Variants in CAP2 observed in about 807,000 individuals in gnomAD.
The protein encoded by CAP2 is cyclase associated actin cytoskeleton regulatory protein 2.
A neutral mutation model predicts 57.7 loss-of-function variants in CAP2; 24 were observed. That is an observed-to-expected ratio of 0.42 (90% confidence interval 0.30 to 0.58). The LOEUF (loss-of-function observed/expected upper bound fraction) is 0.58, where lower values mean the gene tolerates loss of function less well. Ranked by LOEUF, CAP2 falls within the 20% of genes least tolerant of loss-of-function variation. The pLI is 0.22. For missense variants in CAP2, 501 were observed against 590.3 expected (o/e 0.85, Z 1.57); for synonymous variants, 194 against 207.2 (o/e 0.94, Z 0.55).
chr6:17,540,416 T>G (rs1160678736), intron 8 of CAP2, among the ~76,000 whole-genome samples: 1 of 151,748 alleles, frequency 6.6e-6, no homozygotes, highest in Non-Finnish European at 1.5e-5. Flanking sequence ...TATCTATCAT[T>G]TTATCTCCCA....
rs781025932 is a variant in CAP2, at chr6:17,551,541, CT to C, written c.1288del (p.Cys430ValfsTer4). ...TATACCTCAGTGAAGATGCATTAGA[CT>C]GTGAGATCGTGAGCGCCAAGTCATC... The part of the protein sequence containing the change: ...HIYLSEDALD[C>X]EIVSAKSSEM... On this transcript the variant is annotated frameshift_variant, in exon 12 of 13. Coordinates refer to ENST00000229922, the MANE Select transcript of CAP2 (RefSeq NM_006366.3). LOFTEE classifies it high-confidence loss of function. 6.8e-6 allele frequency: 11 copies of C among 1,611,206 alleles called. No homozygotes were observed. Among genetic ancestry groups the C allele is most frequent in the Non-Finnish European group, 9.3e-6 (11 of 1,177,650 alleles).
At chr6:17,464,056 C>G (rs565419392) in intron 4 of CAP2, among the ~76,000 whole-genome samples, 13 of 152,264 alleles carry the variant, frequency 8.5e-5, no homozygotes, top group African/African-American at 2.6e-4. Context: ...ATTCTCTAAA[C>G]CAAAGCGTGA....
chr6:17,521,966 G>T (rs1292927359), intron 7 of CAP2, among the ~76,000 whole-genome samples: 2 of 151,998 alleles, frequency 1.3e-5, no homozygotes, highest in Non-Finnish European at 2.9e-5. Flanking sequence ...AAAATTAGCT[G>T]GGCGTGGTGG....
At chr6:17,418,993 A>G (rs1759359521) in intron 1 of CAP2, among the ~76,000 whole-genome samples, 1 of 152,212 alleles carries the variant, frequency 6.6e-6, no homozygotes, top group African/African-American at 2.4e-5. Context: ...TCAGCTGTGC[A>G]GAGAACACTG....
chr6:17,493,332 G>T, intron 4 of CAP2: 1 of 316,288 alleles, frequency 3.2e-6, no homozygotes, highest in South Asian at 2.7e-5. Flanking sequence ...AATTTGTTAA[G>T]ATATGATAGA....
At position 17,556,374 on chromosome 6, in the gene CAP2, C is replaced by T. The variant is rs773767973; in HGVS notation, c.1366C>T (p.Pro456Ser). Reference sequence around the variant, plus strand: ...CTTTTTCCAGAGAGAATTTCCCATTCCTGAACAGTTCAAGACAGCATGGGA... The same window carrying T: ...CTTTTTCCAGAGAGAATTTCCCATTTCTGAACAGTTCAAGACAGCATGGGA... ...QDGDYREFPIPEQFKTAWDGS... is the reference protein window; with the variant it reads ...QDGDYREFPISEQFKTAWDGS... Residue 456 changes from proline (P) to serine (S), a missense_variant, in exon 13 of 13, where the codon CCT (proline) becomes TCT (serine). By Grantham distance (74) the Pro-to-Ser change is moderately conservative. Transcript: ENST00000229922. 3.1e-6 allele frequency: 5 copies of T among 1,612,552 alleles called. No individual in the cohort carries two copies. In the South Asian group the frequency reaches 5.5e-5, roughly 18 times the overall value.
intron 1 of CAP2, among the ~76,000 whole-genome samples, chr6:17,415,876 TA>T (rs1759260337): frequency 6.6e-6 from 1 of 152,132 alleles, no homozygotes; most frequent in South Asian, 2.1e-4. Flanking sequence ...AAGCTGCTTT[TA>T]TAACTGGTTA....
chr6:17,479,226 C>T (rs1414450995), intron 4 of CAP2, among the ~76,000 whole-genome samples: 4 of 152,176 alleles, frequency 2.6e-5, no homozygotes, highest in Non-Finnish European at 4.4e-5. Flanking sequence ...TGTGTACACA[C>T]ACGTCTGTAC....
At chr6:17,515,327 G>T (rs1762251753) in intron 7 of CAP2, among the ~76,000 whole-genome samples, 1 of 152,182 alleles carries the variant, frequency 6.6e-6, no homozygotes, top group Non-Finnish European at 1.5e-5. Context: ...AGCTGCTAGA[G>T]ACCACTATCC....
At position 17,513,845 on chromosome 6, in the gene CAP2, A is replaced by C. The variant is rs759347319; in HGVS notation, c.531-4A>C. ...GCTTTCTTCAACCCTCTTTCACAAC[A>C]AAGTGATTTGCGTCATGTGGATTGG... On this transcript the variant is annotated splice_region_variant and splice_polypyrimidine_tract_variant and intron_variant, in intron 6 of 12. Coordinates refer to ENST00000229922, the MANE Select transcript of CAP2 (RefSeq NM_006366.3). The surrounding 1 kb of genome is among the most constrained non-coding windows in gnomAD (Gnocchi z 4.3). The C allele has an allele frequency of 9.4e-6, 15 of 1,600,604 alleles. No individual in the cohort carries two copies. Among genetic ancestry groups the C allele is most frequent in the Non-Finnish European group, 1.3e-5 (15 of 1,167,640 alleles).
intron 1 of CAP2, among the ~76,000 whole-genome samples, chr6:17,393,959 G>C (rs1284993672): frequency 6.8e-6 from 1 of 147,726 alleles, no homozygotes; most frequent in Non-Finnish European, 1.5e-5. Context: ...GCGCGGGCGC[G>C]GGCGGACTCC....
intron 3 of CAP2, among the ~76,000 whole-genome samples, chr6:17,455,237 G>T (rs1364130959): frequency 6.6e-6 from 1 of 151,748 alleles, no homozygotes; most frequent in Non-Finnish European, 1.5e-5. Context: ...AAATGGTGGA[G>T]TTTAACTGGT....
In CAP2 at chr6:17,507,701, A is replaced by G. The variant is rs1168362490; in HGVS notation, c.505A>G (p.Arg169Gly). Reference protein sequence around the residue: ...MNDAATFYTNRVLKDYKHSDL... With the variant: ...MNDAATFYTNGVLKDYKHSDL... ...TGACGCTGCCACCTTTTACACTAAC[A>G]GGGTCTTAAAGGACTACAAACACAG... is the stretch of plus-strand genomic sequence containing the variant. The change falls in exon 6 of 13, where the codon AGG becomes GGG. Residue 169 changes from arginine (R) to glycine (G), a missense_variant. By Grantham distance (125) the Arg-to-Gly change is moderately radical (BLOSUM62 -2). Transcript: ENST00000229922. The G allele has an allele frequency of 1.9e-6, 3 of 1,604,840 alleles. No individual in the cohort carries two copies. The highest frequency in any genetic ancestry group is 2.6e-6 in the Non-Finnish European group (3 of 1,171,928).
chr6:17,417,145 G>GA (rs11340468), intron 1 of CAP2, among the ~76,000 whole-genome samples: 11 of 138,446 alleles, frequency 7.9e-5, no homozygotes, highest in East Asian at 2.2e-4. Context: ...ATTCAGATAA[G>GA]AAAAAAAAAA....
Position 17,557,152 on chromosome 6 carries a change from A to C in CAP2, c.*710A>C, listed in dbSNP as rs1763332724. 7.5e-6 allele frequency: 1 copy of C among 133,110 alleles called. No homozygotes were observed. Among genetic ancestry groups the C allele is most frequent in the Non-Finnish European group, 1.6e-5 (1 of 62,904 alleles). The allele number at this position is 133,110 out of a possible 1,614,324, so 8.2% of individuals were successfully genotyped here. A position where few individuals can be genotyped will look rare whatever the true frequency, so the allele number is the denominator to read the frequency against. ...TGCATAAGAGATTCTTATGCCAAAA[A>C]CATTAAACAGAAGAAATCATTTTTT... is the stretch of plus-strand genomic sequence containing the variant. On this transcript the variant is annotated 3_prime_UTR_variant, in exon 13 of 13. Coordinates refer to ENST00000229922, the MANE Select transcript of CAP2 (RefSeq NM_006366.3).
chr6:17,444,336 G>C (rs1386244172), intron 3 of CAP2, among the ~76,000 whole-genome samples: 1 of 152,110 alleles, frequency 6.6e-6, no homozygotes, highest in Non-Finnish European at 1.5e-5. Context: ...ACCTAGACCA[G>C]TAGTTAAAAA....
intron 3 of CAP2, among the ~76,000 whole-genome samples, chr6:17,452,655 C>T (rs1238484761): frequency 6.6e-6 from 1 of 152,112 alleles, no homozygotes; most frequent in Admixed American, 6.5e-5. Context: ...AGAATAAAAT[C>T]GTATGTAGTT....
chr6:17,479,545 A>G (rs926800767), intron 4 of CAP2, among the ~76,000 whole-genome samples: 9 of 152,128 alleles, frequency 5.9e-5, no homozygotes, highest in African/African-American at 2.2e-4. Flanking sequence ...GAAGGAAAAA[A>G]GGAGGGAAAA....
In CAP2 at chr6:17,409,294, C is replaced by T. The variant is rs114922103; in HGVS notation, c.-1-12261C>T. ...GGCTGGGGCAGAAGAATCACCTGCG[C>T]CCAGGAAGCGGATGTTGCGGTGAGC... On this transcript the variant is annotated intron_variant, in intron 1 of 12. Transcript: ENST00000229922. 4.0e-3 allele frequency among the ~76,000 whole-genome samples: 613 copies of T among 151,922 alleles called. 3 individuals are homozygous for T. Among genetic ancestry groups the T allele is most frequent in the African/African-American group, 0.014 (591 of 41,442 alleles).
Sources: gnomAD v4.1 joint callset for allele counts (sites outside exome capture counted in the v4.1 genomes callset) on GRCh38, gnomAD v4.1.1 for gene constraint, Gnocchi (gnomAD v3.1) non-coding constraint, MANE v1.5 for transcripts, NCBI Gene and HGNC (gene_info 2026-07-23, HGNC 2026-07-21) for gene names.